The following LRRC19 variants were observed in gnomAD, a reference collection of about 807,000 sequenced individuals.
LRRC19 encodes the protein leucine-rich repeat-containing protein 19.
Under a neutral mutation model 33.3 loss-of-function variants are expected in LRRC19, and 33 were observed. The ratio of observed to expected loss-of-function variants is 0.99; its 90% confidence interval spans 0.75 to 1.33. The LOEUF (loss-of-function observed/expected upper bound fraction) is 1.33. LRRC19 is among the 40% of genes most tolerant of loss of function. The probability of loss-of-function intolerance (pLI) is 0.00; values close to 1 mark genes in which losing one functional copy is unlikely to be tolerated. For missense variants in LRRC19, 463 were observed against 417.3 expected, an observed-to-expected ratio of 1.11 and a Z score of -0.95; for synonymous variants, 184 against 152.3, an observed-to-expected ratio of 1.21 and a Z score of -1.53.
chr9:27,003,523 A>AG (rs1368556973), intron 1 of LRRC19, among the ~76,000 whole-genome samples: 1 of 152,052 alleles, frequency 6.6e-6, no homozygotes, highest in Non-Finnish European at 1.5e-5. Flanking sequence ...ACTCTGTCTC[A>AG]GAAAAAAAAA....
At chr9:27,004,738 G>A (rs980298302) in intron 1 of LRRC19, among the ~76,000 whole-genome samples, 1 of 151,976 alleles carries the variant, frequency 6.6e-6, no homozygotes, top group Non-Finnish European at 1.5e-5. Context: ...TTCATATAGT[G>A]ATTACTTAGG....
chr9:26,997,588 C>T lies in LRRC19; in HGVS notation c.595+140G>A, dbSNP rs1403352950. On this transcript the variant is annotated intron_variant, in intron 3 of 4. Transcript: ENST00000380055. Reference sequence around the variant, plus strand: ...ACCTCAGGTGATCCCCCTGCCTTGGCCTCCCATAGTGATGGGATTACAGGC... The same window carrying T: ...ACCTCAGGTGATCCCCCTGCCTTGGTCTCCCATAGTGATGGGATTACAGGC... 22 of 852,514 alleles carry T rather than the reference C, an allele frequency of 2.6e-5. No homozygotes were observed. In the East Asian group the frequency reaches 5.9e-4, roughly 23 times the overall value. 52.8% of individuals were successfully genotyped at this position (852,514 alleles called of 1,614,324 possible). A position where few individuals can be genotyped will look rare whatever the true frequency, so the allele number is the denominator to read the frequency against.
intron 1 of LRRC19, among the ~76,000 whole-genome samples, chr9:27,002,566 T>C (rs1828558100): frequency 6.6e-6 from 1 of 152,366 alleles, no homozygotes; most frequent in African/African-American, 2.4e-5. Context: ...CCATTTTATG[T>C]TCTTGGCACC....
intron 3 of LRRC19, 47 bp downstream of exon 3, chr9:26,997,681 A>G (rs1828238137): frequency 6.5e-7 from 1 of 1,530,358 alleles, no homozygotes; most frequent in African/African-American, 1.4e-5. Context: ...CTGTGGTGGA[A>G]CATTGAGTTA....
intron 1 of LRRC19, among the ~76,000 whole-genome samples, chr9:27,000,639 G>A (rs948941611): frequency 6.6e-6 from 1 of 152,086 alleles, no homozygotes; most frequent in African/African-American, 2.4e-5. Context: ...CTTTATAATG[G>A]AAACATTCAA....
intron 4 of LRRC19, 66 bp from the exon 5 acceptor site, chr9:26,995,915 T>A: frequency 8.9e-7 from 1 of 1,120,872 alleles, no homozygotes; most frequent in Non-Finnish European, 1.3e-6. Flanking sequence ...TAATCATAAT[T>A]ATATATCCTA....
At chr9:27,005,494 A>G (rs537692918) in intron 1 of LRRC19, 98 bp downstream of exon 1, 1 of 151,950 alleles carries the variant, frequency 6.6e-6, no homozygotes, top group South Asian at 2.1e-4. Flanking sequence ...ATTTTTCATC[A>G]CTTCTTAAAG....
rs1263160106 is a variant in LRRC19, at chr9:26,996,377, T to C, written c.718A>G (p.Ile240Val). The change falls in exon 4 of 5, where the codon ATT becomes GTT. Residue 240 changes from isoleucine (I) to valine (V), a missense_variant. Transcript: ENST00000380055. ...FPSSVTEDLYIHFQPISNSIF... is the reference protein window; with the variant it reads ...FPSSVTEDLYVHFQPISNSIF... ...GAATTGCTGATGGGCTGAAAATGAA[T>C]ATAAAGATCTTCAGTTACTGATGAA... 2 of 1,609,472 alleles carry C rather than the reference T, an allele frequency of 1.2e-6. No individual in the cohort carries two copies. The highest frequency in any genetic ancestry group is 1.3e-5 in the African/African-American group (1 of 74,850).
chr9:26,995,866 A>G lies in LRRC19; in HGVS notation c.785-17T>C, dbSNP rs970094517. The G allele has an allele frequency of 6.5e-7, 1 of 1,540,840 alleles. No homozygotes were observed. The highest frequency in any genetic ancestry group is 8.7e-7 in the Non-Finnish European group (1 of 1,144,238). ...GTTCATGTTCTTTAATGGAATACCAAGAGAGGAGAGAGAAAGAAAATTTGT... is the reference window on the plus strand; with the variant it reads ...GTTCATGTTCTTTAATGGAATACCAGGAGAGGAGAGAGAAAGAAAATTTGT... On this transcript the variant is annotated splice_polypyrimidine_tract_variant and intron_variant, in intron 4 of 4. Coordinates refer to ENST00000380055, the MANE Select transcript of LRRC19 (RefSeq NM_022901.3).
intron 3 of LRRC19, among the ~76,000 whole-genome samples, chr9:26,997,056 C>G (rs10967651): frequency 0.093 from 14,098 of 151,620 alleles, 1,679 homozygotes; most frequent in East Asian, 0.65. Context: ...ACTAAAAATA[C>G]AAAAAATTAG....
chr9:26,996,678 T>G (rs1828176588), intron 3 of LRRC19, among the ~76,000 whole-genome samples, 179 bp from the exon 4 acceptor site: 1 of 152,226 alleles, frequency 6.6e-6, no homozygotes, highest in Non-Finnish European at 1.5e-5. Context: ...GTTTATTATT[T>G]TATAAATATG....
In LRRC19 at chr9:27,004,153, A is replaced by G. The variant is rs934318033; in HGVS notation, c.-10+1439T>C. Among the ~76,000 whole-genome samples the G allele has an allele frequency of 2.6e-5, 4 of 152,334 alleles. No homozygotes were observed. In the East Asian group the frequency reaches 7.7e-4, roughly 29 times the overall value. ...AGGTGAAAAAAGTAATGGAGGCAAG[A>G]CAGGACTGTGAGCTTATGTGGAAAT... On this transcript the variant is annotated intron_variant, in intron 1 of 4. Coordinates refer to ENST00000380055, the MANE Select transcript of LRRC19 (RefSeq NM_022901.3).
At position 26,996,482 on chromosome 9, in the gene LRRC19, T is replaced by C. The variant is rs746562226; in HGVS notation, c.613A>G (p.Met205Val). ...TGCAGGCTGTTGGGGTAGCTACACA[T>C]GGTGATGTTCTCATTTTCTAGTAAA... ...NVTLENENITMCSYPNSLQSY... is the reference protein window; with the variant it reads ...NVTLENENITVCSYPNSLQSY... The change falls in exon 4 of 5, where the codon ATG becomes GTG. Residue 205 changes from methionine (M) to valine (V), a missense_variant. Coordinates refer to ENST00000380055, the MANE Select transcript of LRRC19 (RefSeq NM_022901.3). The C allele has an allele frequency of 6.1e-6, 9 of 1,478,098 alleles. No homozygotes were observed. The highest frequency in any genetic ancestry group is 8.2e-6 in the Non-Finnish European group (9 of 1,102,516). 91.6% of individuals were successfully genotyped at this position (1,478,098 alleles called of 1,614,324 possible). A position where few individuals can be genotyped will look rare whatever the true frequency, so the allele number is the denominator to read the frequency against.
chr9:27,002,448 A>T (rs1201391092), intron 1 of LRRC19, among the ~76,000 whole-genome samples: 2 of 152,204 alleles, frequency 1.3e-5, no homozygotes, highest in Admixed American at 1.3e-4. Flanking sequence ...AAAGTCTTTA[A>T]TCCATTTTTA....
intron 3 of LRRC19, among the ~76,000 whole-genome samples, chr9:26,997,003 G>C (rs1223767091): frequency 6.6e-6 from 1 of 152,038 alleles, no homozygotes; most frequent in Admixed American, 6.6e-5. Flanking sequence ...CTGAGGTCGG[G>C]AGTTTGAGAC....
At chr9:27,005,295 A>T (rs925826163) in intron 1 of LRRC19, among the ~76,000 whole-genome samples, 1 of 145,154 alleles carries the variant, frequency 6.9e-6, no homozygotes, top group Non-Finnish European at 1.5e-5. Flanking sequence ...ATGCTCTGTG[A>T]TTAACATATT....
intron 1 of LRRC19, among the ~76,000 whole-genome samples, chr9:27,005,307 TA>T (rs2131592208): frequency 6.9e-6 from 1 of 143,954 alleles, no homozygotes; most frequent in Non-Finnish European, 1.5e-5. Flanking sequence ...TAACATATTT[TA>T]AAATAAAAAT....
At chr9:27,000,800 T>A (rs149483120) in intron 1 of LRRC19, among the ~76,000 whole-genome samples, 81 of 152,304 alleles carry the variant, frequency 5.3e-4, no homozygotes, top group Admixed American at 7.8e-4. Context: ...GTAACAAACC[T>A]GCATAACCTG....
Position 26,997,735 on chromosome 9 carries a change from C to G in LRRC19, c.588G>C (p.Val196=). 6.3e-7 allele frequency: 1 copy of G among 1,589,986 alleles called. No individual in the cohort carries two copies. Among genetic ancestry groups the G allele is most frequent in the Non-Finnish European group, 8.5e-7 (1 of 1,171,658 alleles). ...NLQNWLNTSN[V]TLENENITMC... ...TTAATTATGATAGCTTACCTAATGT[C>G]ACATTTGATGTGTTCAACCAGTTCT... Residue 196 remains valine, a synonymous_variant, in exon 3 of 5, where the codon GTG becomes GTC. Coordinates refer to ENST00000380055, the MANE Select transcript of LRRC19 (RefSeq NM_022901.3).
Sources: gnomAD v4.1 joint callset for allele counts (sites outside exome capture counted in the v4.1 genomes callset) on GRCh38, gnomAD v4.1.1 for gene constraint, MANE v1.5 for transcripts, NCBI Gene and HGNC (gene_info 2026-07-23, HGNC 2026-07-21) for gene names.